COPB1: variants seen among roughly 807,000 people sequenced by gnomAD.
COPB1 encodes coatomer subunit beta.
In COPB1, 21 loss-of-function variants were observed where a neutral mutation model predicts 108.7. The ratio of observed to expected loss-of-function variants is 0.19; its 90% CI spans 0.14 to 0.28. The LOEUF is 0.28. Ranked by LOEUF, COPB1 falls within the 10% of genes least tolerant of loss-of-function variation. The probability of loss-of-function intolerance (pLI) is 1.00; values close to 1 mark genes in which losing one functional copy is unlikely to be tolerated. For synonymous variants in COPB1, 378 were observed against 386.8 expected, an observed-to-expected ratio of 0.98 and a Z score of 0.27; for missense variants, 919 against 1,141.3, an observed-to-expected ratio of 0.81 and a Z score of 2.81.
At chr11:14,499,081 G>T in intron 1 of COPB1, 96 bp from the exon 2 acceptor site, 1 of 596,756 alleles carries the variant, frequency 1.7e-6, no homozygotes, top group Admixed American at 3.4e-5. Context: ...AGAAAGGGCA[G>T]GTCAATCTAT....
chr11:14,474,490 C>T lies in COPB1; in HGVS notation c.1737+5G>A, dbSNP rs1335872809. Reference sequence around the variant, plus strand: ...GTTGGTTAAATGTAAAATAAATGAACTTACATTTTGCTTTTTCTTCTCCTG... The same window carrying T: ...GTTGGTTAAATGTAAAATAAATGAATTTACATTTTGCTTTTTCTTCTCCTG... On this transcript the variant is annotated splice_donor_5th_base_variant and intron_variant, in intron 14 of 21. Transcript: ENST00000439561. 3 of 1,611,302 alleles carry T rather than the reference C, an allele frequency of 1.9e-6. No homozygotes were observed. The highest frequency in any genetic ancestry group is 2.2e-5 in the South Asian group (2 of 90,976).
chr11:14,494,136 A>T, intron 3 of COPB1, 74 bp downstream of exon 3: 1 of 1,030,080 alleles, frequency 9.7e-7, no homozygotes, highest in Non-Finnish European at 1.4e-6. Context: ...TTTAACAATT[A>T]AAACACAGCC....
At chr11:14,475,286 A>G (rs1850498356) in intron 13 of COPB1, among the ~76,000 whole-genome samples, 1 of 152,134 alleles carries the variant, frequency 6.6e-6, no homozygotes, top group Non-Finnish European at 1.5e-5. Flanking sequence ...GAGATAATAT[A>G]TTCTATCTCA....
At chr11:14,461,119 A>C in intron 19 of COPB1, 67 bp downstream of exon 19, 3 of 1,579,364 alleles carry the variant, frequency 1.9e-6, no homozygotes, top group Non-Finnish European at 2.6e-6. Flanking sequence ...TTTTATTAGC[A>C]GACTCCTCAA....
chr11:14,491,328 A>G (rs556933041), intron 4 of COPB1, among the ~76,000 whole-genome samples: 92 of 152,238 alleles, frequency 6.0e-4, no homozygotes, highest in African/African-American at 2.2e-3. Flanking sequence ...GATTACAGAC[A>G]TGAACCACCA....
chr11:14,458,870 C>T (rs150851457), intron 20 of COPB1, among the ~76,000 whole-genome samples, 183 bp from the exon 21 acceptor site: 14 of 151,552 alleles, frequency 9.2e-5, no homozygotes, highest in African/African-American at 3.4e-4. Flanking sequence ...CAGGTTCAGG[C>T]GATTCTCCTG....
intron 6 of COPB1, among the ~76,000 whole-genome samples, chr11:14,488,032 G>C (rs975387855): frequency 3.9e-5 from 6 of 152,168 alleles, no homozygotes; most frequent in African/African-American, 1.4e-4. Flanking sequence ...TTCTTAGCTG[G>C]TTTTAGATTT....
intron 3 of COPB1, 92 bp downstream of exon 3, chr11:14,494,118 G>C: frequency 1.2e-6 from 1 of 857,954 alleles, no homozygotes. Flanking sequence ...TCTTATCAAA[G>C]ACTCAATTTT....
chr11:14,462,504 T>C (rs934924419), intron 18 of COPB1, among the ~76,000 whole-genome samples: 5 of 152,212 alleles, frequency 3.3e-5, no homozygotes, highest in Non-Finnish European at 5.9e-5. Flanking sequence ...AGTGCTGGGA[T>C]TACAGGCATG....
intron 6 of COPB1, among the ~76,000 whole-genome samples, chr11:14,487,551 T>A (rs1850801494): frequency 6.6e-6 from 1 of 152,068 alleles, no homozygotes; most frequent in Admixed American, 6.6e-5. Flanking sequence ...GGCGTGCACC[T>A]GTAATCCCAG....
At chr11:14,495,367 A>C (rs1850994809) in intron 2 of COPB1, among the ~76,000 whole-genome samples, 1 of 152,212 alleles carries the variant, frequency 6.6e-6, no homozygotes, top group Admixed American at 6.5e-5. Flanking sequence ...TGAGGAAAAG[A>C]ACTACAACTA....
At chr11:14,486,755 T>C (rs1484255527) in intron 6 of COPB1, among the ~76,000 whole-genome samples, 1 of 152,010 alleles carries the variant, frequency 6.6e-6, no homozygotes, top group East Asian at 1.9e-4. Context: ...GATAGGATGG[T>C]GTGAACAAAA....
chr11:14,499,503 AG>A (rs1851104097), intron 1 of COPB1: 1 of 151,376 alleles, frequency 6.6e-6, no homozygotes, highest in South Asian at 2.1e-4. Context: ...GGGTCTTGGG[AG>A]GGAAAAGACC....
intron 2 of COPB1, among the ~76,000 whole-genome samples, chr11:14,496,238 T>C (rs1461284609): frequency 6.6e-6 from 1 of 152,170 alleles, no homozygotes; most frequent in African/African-American, 2.4e-5. Flanking sequence ...CAAGAATCAT[T>C]ACTTTGGAAA....
intron 14 of COPB1, among the ~76,000 whole-genome samples, chr11:14,471,894 C>G (rs1850412975): frequency 6.6e-6 from 1 of 152,120 alleles, no homozygotes; most frequent in African/African-American, 2.4e-5. Flanking sequence ...GGCACTCCGG[C>G]CTGGGCAAGA....
In COPB1 at chr11:14,475,858, C is replaced by A; in HGVS notation, c.1543G>T (p.Val515Phe). ...EITVGPVQKL[V>F]TEMGTYATQS... ...GTTGCATAGGTACCCATTTCAGTAA[C>A]CAATTTCTGAACTGGCCCTACAGTT... Residue 515 changes from valine (V) to phenylalanine (F), a missense_variant, in exon 13 of 22, where the codon GTT becomes TTT. Val to Phe is a conservative substitution (Grantham distance 50, BLOSUM62 -1). Around this residue, in one of 5 missense-constraint regions of COPB1, gnomAD observed 705 missense variants for 817.8 expected, o/e 0.86. Coordinates refer to ENST00000439561, the MANE Select transcript of COPB1 (RefSeq NM_001144061.2). 2 of 1,613,574 alleles carry A rather than the reference C, an allele frequency of 1.2e-6. No individual in the cohort carries two copies. The highest frequency in any genetic ancestry group is 1.1e-5 in the South Asian group (1 of 91,018).
intron 5 of COPB1, among the ~76,000 whole-genome samples, chr11:14,489,044 T>A (rs768995662): frequency 4.6e-5 from 7 of 152,186 alleles, no homozygotes; most frequent in Non-Finnish European, 8.8e-5. Flanking sequence ...ATTACGCCCC[T>A]CAATGTAGGT....
chr11:14,498,524 C>T (rs763719468), intron 2 of COPB1, among the ~76,000 whole-genome samples: 5 of 152,210 alleles, frequency 3.3e-5, no homozygotes, highest in Non-Finnish European at 7.3e-5. Context: ...TTCCAATACA[C>T]ATCCTCAACC....
At chr11:14,495,587 C>A (rs1257544300) in intron 2 of COPB1, among the ~76,000 whole-genome samples, 1 of 152,180 alleles carries the variant, frequency 6.6e-6, no homozygotes, top group Admixed American at 6.5e-5. Context: ...TGGTCTCGAA[C>A]TCCTGAAGTC....
Sources: gnomAD v4.1 joint callset for allele counts (sites outside exome capture counted in the v4.1 genomes callset) on GRCh38, gnomAD v4.1.1 for gene constraint, gnomAD v4.1.1 regional missense constraint, MANE v1.5 for transcripts, NCBI Gene and HGNC (gene_info 2026-07-23, HGNC 2026-07-21) for gene names.